Variants in PCDH15 observed in about 807,000 individuals in gnomAD.
PCDH15 encodes the protein protocadherin-15.
PCDH15 carries 129 observed loss-of-function variants against 178.5 expected under a neutral mutation model. That is an observed-to-expected ratio of 0.72 (90% CI 0.63 to 0.84). The LOEUF (loss-of-function observed/expected upper bound fraction) is 0.84, where lower values mean the gene tolerates loss of function less well. Among genes scored for constraint, PCDH15 ranks in the 40% least tolerant of loss-of-function variants. The pLI is 0.00. For synonymous variants in PCDH15, 800 were observed against 732.0 expected, an observed-to-expected ratio of 1.09 and a Z score of -1.50; for missense variants, 2,230 against 2,099.9, an observed-to-expected ratio of 1.06 and a Z score of -1.21.
At chr10:55,333,174 AAGAG>A (rs894751241) in intron 2 of PCDH15, among the ~76,000 whole-genome samples, 1 of 152,176 alleles carries the variant, frequency 6.6e-6, no homozygotes, top group Non-Finnish European at 1.5e-5. Flanking sequence ...ACATCATAAT[AAGAG>A]AGAGAACTCA....
intron 28 of PCDH15, among the ~76,000 whole-genome samples, chr10:53,845,071 C>T (rs1173591323): frequency 1.3e-5 from 2 of 151,766 alleles, no homozygotes; most frequent in African/African-American, 2.4e-5. Context: ...TCTGAATAGA[C>T]AATTCTCAAA....
intron 2 of PCDH15, among the ~76,000 whole-genome samples, chr10:55,451,954 G>A (rs1212893015): frequency 3.3e-5 from 5 of 152,068 alleles, no homozygotes; most frequent in South Asian, 2.1e-4. Context: ...CCAGGATATC[G>A]AAAAATGCAG....
intron 29 of PCDH15, among the ~76,000 whole-genome samples, chr10:53,835,182 T>C (rs2077233935): frequency 6.6e-6 from 1 of 152,196 alleles, no homozygotes; most frequent in Admixed American, 6.5e-5. Context: ...TGAAAGAGGC[T>C]TTATCAGAGC....
intron 1 of PCDH15, among the ~76,000 whole-genome samples, chr10:54,745,735 TAA>T (rs1014634116): frequency 4.6e-5 from 7 of 152,174 alleles, no homozygotes; most frequent in South Asian, 2.1e-4. Flanking sequence ...GGATAATATA[TAA>T]GTGTATAATA....
intron 25 of PCDH15, among the ~76,000 whole-genome samples, chr10:53,921,162 TTC>T (rs1028230383): frequency 5.3e-4 from 80 of 152,266 alleles, no homozygotes; most frequent in African/African-American, 1.9e-3. Context: ...TCTCCCAAAC[TTC>T]TGAGAGGAGA....
chr10:53,876,189 T>G (rs199538744), intron 26 of PCDH15, among the ~76,000 whole-genome samples: 1 of 55,556 alleles, frequency 1.8e-5, no homozygotes, highest in Non-Finnish European at 2.7e-5. Context: ...TTTTTTTTTT[T>G]GTTTTTTTGT....
intron 2 of PCDH15, among the ~76,000 whole-genome samples, chr10:54,558,489 C>T (rs1447337278): frequency 6.6e-6 from 1 of 152,038 alleles, no homozygotes; most frequent in African/African-American, 2.4e-5. Flanking sequence ...TAATTCCATA[C>T]CTTAAATGAC....
intron 2 of PCDH15, among the ~76,000 whole-genome samples, chr10:55,021,541 CT>C (rs1840328459): frequency 1.3e-5 from 2 of 152,114 alleles, no homozygotes; most frequent in South Asian, 4.1e-4. Flanking sequence ...CTATTTTTCC[CT>C]GATTACCCCT....
chr10:55,533,569 A>C (rs1841505913), intron 2 of PCDH15, among the ~76,000 whole-genome samples: 1 of 152,106 alleles, frequency 6.6e-6, no homozygotes, highest in South Asian at 2.1e-4. Flanking sequence ...TGATGAAAGA[A>C]ATCAAAGATG....
intron 2 of PCDH15, among the ~76,000 whole-genome samples, chr10:55,467,365 T>A (rs947137154): frequency 1.1e-4 from 15 of 130,522 alleles, no homozygotes; most frequent in African/African-American, 3.5e-4. Context: ...AGCCTGATCT[T>A]GGCCTGACTT....
chr10:54,930,222 T>C (rs568001719), intron 2 of PCDH15, among the ~76,000 whole-genome samples: 121 of 152,100 alleles, frequency 8.0e-4, no homozygotes, highest in African/African-American at 2.8e-3. Context: ...TAGGGTGGGG[T>C]TGCAAGGTTC....
intron 2 of PCDH15, among the ~76,000 whole-genome samples, chr10:55,576,081 G>A (rs1446697994): frequency 6.6e-6 from 1 of 152,074 alleles, no homozygotes; most frequent in South Asian, 2.1e-4. Flanking sequence ...GGGGGTTGCT[G>A]CCTATTGTGC....
At chr10:55,531,276 T>C (rs1481815457) in intron 2 of PCDH15, among the ~76,000 whole-genome samples, 1 of 151,976 alleles carries the variant, frequency 6.6e-6, no homozygotes, top group Admixed American at 6.6e-5. Flanking sequence ...AGTAAAAAAG[T>C]AGACTGAGGA....
chr10:53,827,461 T>G lies in PCDH15; in HGVS notation c.4299A>C (p.Ala1433=). ...KPAVPAPAPV[A]APPPPPPPPP... is the part of the protein sequence containing the mutation. Reference sequence around the variant, plus strand: ...GAGGCGGCGGCGGCGGCGGGGGCGCTGCCACTGGTGCAGGAGCCGGCACTG... The same window carrying G: ...GAGGCGGCGGCGGCGGCGGGGGCGCGGCCACTGGTGCAGGAGCCGGCACTG... Residue 1433 remains alanine (A), a synonymous_variant, in exon 32 of 38, where the codon GCA becomes GCC. Coordinates refer to ENST00000644397, the MANE Select transcript of PCDH15 (RefSeq NM_001384140.1). The G allele has an allele frequency of 6.2e-7, 1 of 1,613,396 alleles. No individual in the cohort carries two copies. Among genetic ancestry groups the G allele is most frequent in the Non-Finnish European group, 8.5e-7 (1 of 1,179,508 alleles).
intron 21 of PCDH15, among the ~76,000 whole-genome samples, chr10:53,982,786 A>C (rs1418107819): frequency 6.6e-6 from 1 of 151,888 alleles, no homozygotes; most frequent in East Asian, 1.9e-4. Flanking sequence ...TAACCTGCAC[A>C]TTGTGCACAT....
intron 15 of PCDH15, among the ~76,000 whole-genome samples, chr10:54,125,190 C>G (rs1192653961): frequency 2.0e-5 from 3 of 151,882 alleles, no homozygotes; most frequent in Non-Finnish European, 4.4e-5. Flanking sequence ...TGTCAACATT[C>G]AACTTCTTGG....
intron 2 of PCDH15, among the ~76,000 whole-genome samples, chr10:55,343,650 T>G (rs1432122657): frequency 6.6e-6 from 1 of 151,686 alleles, no homozygotes; most frequent in Non-Finnish European, 1.5e-5. Context: ...ATGCCTAAGG[T>G]CTTGGGTCAC....
chr10:54,198,492 A>ATTCTTTTT (rs2049900195), intron 10 of PCDH15, among the ~76,000 whole-genome samples: 1 of 40,856 alleles, frequency 2.4e-5, no homozygotes, highest in African/African-American at 1.9e-4. Flanking sequence ...ATATCTAATT[A>ATTCTTTTT]TTCTTTTTTT....
chr10:55,251,678 T>C (rs538143465), intron 1 of PCDH15, among the ~76,000 whole-genome samples: 1 of 152,326 alleles, frequency 6.6e-6, no homozygotes, highest in Admixed American at 6.5e-5. Context: ...GTTTAAATTC[T>C]CTGTGATGAA....
Sources: allele counts gnomAD v4.1 joint callset (sites outside exome capture counted in the v4.1 genomes callset), GRCh38; gene constraint gnomAD v4.1.1; transcripts MANE v1.5; gene names NCBI Gene and HGNC (gene_info 2026-07-23, HGNC 2026-07-21).